Variants in SIMC1 observed in about 807,000 individuals in gnomAD.
SIMC1 encodes SUMO interacting motifs containing 1.
In SIMC1, 55 loss-of-function variants were observed where a neutral mutation model predicts 82.3. The ratio of observed to expected loss-of-function variants is 0.67; its 90% CI spans 0.54 to 0.84. The LOEUF (loss-of-function observed/expected upper bound fraction) is 0.84, where lower values mean the gene tolerates loss of function less well. SIMC1 is among the 40% of genes least tolerant of loss of function. SIMC1 has a pLI of 0.00. For synonymous variants in SIMC1, 353 were observed against 426.3 expected (o/e 0.83, Z 2.12); for missense variants, 915 against 1,107.2 (o/e 0.83, Z 2.46).
At chr5:176,326,989 A>G (rs994731414) in intron 7 of SIMC1, among the ~76,000 whole-genome samples, 1 of 152,236 alleles carries the variant, frequency 6.6e-6, no homozygotes, top group Non-Finnish European at 1.5e-5. Flanking sequence ...CCCAAATTCA[A>G]TATTCAAAGG....
chr5:176,274,863 T>C (rs1226982631), intron 1 of SIMC1, among the ~76,000 whole-genome samples: 1 of 151,846 alleles, frequency 6.6e-6, no homozygotes, highest in African/African-American at 2.4e-5. Flanking sequence ...AGTACCATGC[T>C]CTTTTGGTTA....
chr5:176,282,130 C>A (rs541093538), intron 1 of SIMC1, among the ~76,000 whole-genome samples: 3 of 152,268 alleles, frequency 2.0e-5, no homozygotes, highest in African/African-American at 7.2e-5. Context: ...CAAGCCTGGG[C>A]AATGGCGGGC....
rs1345161805 is a variant in SIMC1, at chr5:176,335,295, T to TTC, written c.2172-1425_2172-1424insTC. Reference sequence around the variant, plus strand: ...TATCTTTTTTTTTTTTTTTTTTTTTTAGATTGAGTCTCGCTGTGTTGCCCA... The same window carrying TTC: ...TATCTTTTTTTTTTTTTTTTTTTTTTTCAGATTGAGTCTCGCTGTGTTGCCCA... On this transcript the variant is annotated intron_variant, in intron 7 of 9. Coordinates refer to ENST00000429602, the MANE Select transcript of SIMC1 (RefSeq NM_001308195.2). Among the ~76,000 whole-genome samples the TTC allele has an allele frequency of 2.7e-5, 4 of 146,858 alleles. No homozygotes were observed. The East Asian group carries it at 8.0e-4, about 29-fold the overall frequency.
intron 4 of SIMC1, among the ~76,000 whole-genome samples, chr5:176,303,547 C>T (rs1432485282): frequency 6.6e-6 from 1 of 151,860 alleles, no homozygotes; most frequent in African/African-American, 2.4e-5. Flanking sequence ...CTCGAACTCC[C>T]GACCTCAGAT....
At chr5:176,326,318 A>G (rs1422294595) in intron 7 of SIMC1, among the ~76,000 whole-genome samples, 1 of 152,104 alleles carries the variant, frequency 6.6e-6, no homozygotes, top group African/African-American at 2.4e-5. Flanking sequence ...GGTAAGATTG[A>G]GACATTTACT....
At chr5:176,242,366 GTGAT>G (rs1761303809) in intron 1 of SIMC1, among the ~76,000 whole-genome samples, 1 of 151,794 alleles carries the variant, frequency 6.6e-6, no homozygotes, top group Non-Finnish European at 1.5e-5. Context: ...TGGTCAGTAA[GTGAT>G]TGTGTGCATA....
chr5:176,278,778 T>G (rs765444188), intron 1 of SIMC1, among the ~76,000 whole-genome samples: 4 of 145,350 alleles, frequency 2.8e-5, no homozygotes, highest in African/African-American at 1.0e-4. Flanking sequence ...ATTGAACCAG[T>G]CTTGCATCCC....
intron 1 of SIMC1, among the ~76,000 whole-genome samples, chr5:176,280,220 A>G (rs1318621700): frequency 6.6e-6 from 1 of 152,108 alleles, no homozygotes; most frequent in African/African-American, 2.4e-5. Context: ...TCCCTTTACC[A>G]TTATCTAATG....
intron 2 of SIMC1, among the ~76,000 whole-genome samples, chr5:176,291,844 G>A (rs1320091067): frequency 2.6e-5 from 4 of 152,172 alleles, no homozygotes; most frequent in South Asian, 2.1e-4. Flanking sequence ...ATACCTCACA[G>A]GGTCATACGT....
intron 5 of SIMC1, among the ~76,000 whole-genome samples, chr5:176,320,336 TTTATTTA>T (rs1765105027): frequency 0.031 from 332 of 10,836 alleles, 2 homozygotes; most frequent in African/African-American, 0.037. Flanking sequence ...TCCTATTTTA[TTTATTTA>T]TTTATTTATT....
At chr5:176,245,796 TAC>T (rs1439635885) in intron 1 of SIMC1, among the ~76,000 whole-genome samples, 14 of 152,114 alleles carry the variant, frequency 9.2e-5, no homozygotes, top group African/African-American at 2.9e-4. Flanking sequence ...TGAGGAGGAT[TAC>T]ATAATTGTTT....
At chr5:176,315,304 C>A (rs1284655828) in intron 5 of SIMC1, among the ~76,000 whole-genome samples, 1 of 152,034 alleles carries the variant, frequency 6.6e-6, no homozygotes, top group East Asian at 1.9e-4. Flanking sequence ...GTCAAACAGT[C>A]GGCTCTCGAG....
At chr5:176,294,984 AAAG>A (rs1156377063) in intron 2 of SIMC1, 43 bp from the exon 3 acceptor site, 1 of 1,536,734 alleles carries the variant, frequency 6.5e-7, no homozygotes, top group East Asian at 2.4e-5. Flanking sequence ...AAAAAAAAAA[AAAG>A]AAAAGAAATC....
chr5:176,300,544 A>G lies in SIMC1; in HGVS notation c.1734+4224A>G, dbSNP rs534969939. Among the ~76,000 whole-genome samples the G allele has an allele frequency of 1.4e-4, 21 of 149,686 alleles. 1 individual carries two copies. In the South Asian group the frequency reaches 4.5e-3, roughly 32 times the overall value. The stretch of plus-strand genomic sequence containing the variant: ...GCTAAGTTGCCCAGGCTGGTCTTGA[A>G]CTCTTGGCCTCAAGTGATTCTCCCA... On this transcript the variant is annotated intron_variant, in intron 4 of 9. Transcript: ENST00000429602.
chr5:176,318,227 A>G (rs1444864226), intron 5 of SIMC1, among the ~76,000 whole-genome samples: 1 of 152,238 alleles, frequency 6.6e-6, no homozygotes, highest in Non-Finnish European at 1.5e-5. Context: ...TCTGCCACGC[A>G]GAAAAAGCAG....
At chr5:176,299,854 T>G (rs1033451089) in intron 4 of SIMC1, among the ~76,000 whole-genome samples, 2 of 152,186 alleles carry the variant, frequency 1.3e-5, no homozygotes, top group Non-Finnish European at 2.9e-5. Context: ...TGGAATTTTC[T>G]CCAGATAGAC....
At chr5:176,333,468 G>T (rs539124999) in intron 7 of SIMC1, among the ~76,000 whole-genome samples, 1 of 151,266 alleles carries the variant, frequency 6.6e-6, no homozygotes, top group African/African-American at 2.4e-5. Flanking sequence ...TCACTCTGTC[G>T]CCCAGACTGG....
intron 3 of SIMC1, 191 bp from the exon 4 acceptor site, chr5:176,296,060 T>C: frequency 2.9e-6 from 3 of 1,022,576 alleles, no homozygotes; most frequent in Non-Finnish European, 4.2e-6. Flanking sequence ...AAAAGGGGAC[T>C]GGATACTGGG....
chr5:176,309,234 A>G (rs1203085160), intron 4 of SIMC1, among the ~76,000 whole-genome samples: 2 of 152,240 alleles, frequency 1.3e-5, no homozygotes, highest in East Asian at 1.9e-4. Context: ...AATATGCTCA[A>G]CTGATTTTGA....
Sources: allele counts gnomAD v4.1 joint callset (sites outside exome capture counted in the v4.1 genomes callset), GRCh38; gene constraint gnomAD v4.1.1; transcripts MANE v1.5; gene names NCBI Gene and HGNC (gene_info 2026-07-23, HGNC 2026-07-21).